The following PCM1 variants were observed in gnomAD, a reference collection of about 807,000 sequenced individuals.
The protein encoded by PCM1 is pericentriolar material 1 protein.
PCM1 carries 157 observed loss-of-function variants against 241.9 expected under a neutral mutation model. That is an observed-to-expected ratio of 0.65 (90% CI 0.57 to 0.74). The LOEUF is 0.74. Ranked by LOEUF, PCM1 falls within the 30% of genes least tolerant of loss-of-function variation. The pLI is 0.00. For synonymous variants in PCM1, 1,085 were observed against 784.9 expected, an observed-to-expected ratio of 1.38 and a Z score of -6.39; for missense variants, 3,478 against 2,360.1, an observed-to-expected ratio of 1.47 and a Z score of -9.81.
Position 18,014,679 on chromosome 8 carries a change from A to C in PCM1, c.5680A>C (p.Thr1894Pro), listed in dbSNP as rs778272534. The change falls in exon 36 of 39, where the codon ACT (threonine) becomes CCT (proline). Residue 1894 changes from threonine (T) to proline (P), a missense_variant. By Grantham distance (38) the Thr-to-Pro change is conservative (BLOSUM62 -1). Coordinates refer to ENST00000325083, the MANE Select transcript of PCM1 (RefSeq NM_006197.4). ...NSAAHKESPP[T>P]VDSTQQPNPL... is the part of the protein sequence containing the mutation. ...TGCTGCCCATAAGGAGTCACCTCCT[A>C]CTGTTGATTCAACTCAACAGCCTAA... is the stretch of plus-strand genomic sequence containing the variant. The C allele has an allele frequency of 2.5e-6, 4 of 1,613,624 alleles. No homozygotes were observed. In the African/African-American group the frequency reaches 4.0e-5, roughly 16 times the overall value.
intron 2 of PCM1, among the ~76,000 whole-genome samples, chr8:17,932,837 A>G (rs2059422455): frequency 6.6e-6 from 1 of 152,112 alleles, no homozygotes; most frequent in African/African-American, 2.4e-5. Flanking sequence ...GACTATTTTG[A>G]TAGTATGATA....
intron 3 of PCM1, among the ~76,000 whole-genome samples, chr8:17,936,752 T>C (rs536850407): frequency 6.6e-6 from 1 of 152,316 alleles, no homozygotes; most frequent in East Asian, 1.9e-4. Flanking sequence ...TCAGATCTCT[T>C]TTTGATACGT....
At chr8:17,988,274 A>G (rs1484725510) in intron 26 of PCM1, among the ~76,000 whole-genome samples, 1 of 151,888 alleles carries the variant, frequency 6.6e-6, no homozygotes, top group Non-Finnish European at 1.5e-5. Flanking sequence ...TCAGGGACAA[A>G]TGTTTGATTT....
At chr8:17,945,037 A>T (rs2063331794) in intron 6 of PCM1, among the ~76,000 whole-genome samples, 1 of 152,112 alleles carries the variant, frequency 6.6e-6, no homozygotes, top group South Asian at 2.1e-4. Flanking sequence ...TATTTGATCA[A>T]CCTAGAGAGA....
In PCM1 at chr8:17,950,650, A is replaced by T; in HGVS notation, c.997A>T (p.Ser333Cys). ...AETAGSLSGV[S>C]ITSELNEELN... Reference sequence around the variant, plus strand: ...AACTGCAGGTAGCTTATCTGGCGTCAGTATCACATCTGAACTAAATGAAGA... The same window carrying T: ...AACTGCAGGTAGCTTATCTGGCGTCTGTATCACATCTGAACTAAATGAAGA... The change falls in exon 8 of 39, where the codon AGT becomes TGT. Residue 333 changes from serine to cysteine, a missense_variant. By Grantham distance (112) the Ser-to-Cys change is moderately radical (BLOSUM62 -1). Coordinates refer to ENST00000325083, the MANE Select transcript of PCM1 (RefSeq NM_006197.4). 6.2e-7 allele frequency: 1 copy of T among 1,605,716 alleles called. No homozygotes were observed. The highest frequency in any genetic ancestry group is 8.5e-7 in the Non-Finnish European group (1 of 1,175,006).
Position 17,987,012 on chromosome 8 carries a change from T to G in PCM1, c.4410+925T>G, listed in dbSNP as rs201309655. ...CTGAGTTTTTCTGAATTTTTGCTCT[T>G]TAACTTCTACTCGTGTTTAAAATAA... On this transcript the variant is annotated intron_variant, in intron 26 of 38. Coordinates refer to ENST00000325083, the MANE Select transcript of PCM1 (RefSeq NM_006197.4). Among the ~76,000 whole-genome samples the G allele has an allele frequency of 2.0e-3, 300 of 151,950 alleles. 1 individual carries two copies. Among genetic ancestry groups the G allele is most frequent in the African/African-American group, 6.8e-3 (284 of 41,538 alleles).
chr8:17,954,510 A>G (rs2067308092), intron 9 of PCM1, among the ~76,000 whole-genome samples: 1 of 152,148 alleles, frequency 6.6e-6, no homozygotes, highest in African/African-American at 2.4e-5. Context: ...TTGTATGCAT[A>G]AAGTAGCACT....
At chr8:17,926,755 G>C (rs2057127740) in intron 2 of PCM1, 3 of 152,188 alleles carry the variant, frequency 2.0e-5, no homozygotes, top group African/African-American at 7.2e-5. Context: ...TAGGGAGAGA[G>C]AAACGATCAA....
At chr8:18,013,074 C>G (rs2092718010) in intron 34 of PCM1, among the ~76,000 whole-genome samples, 1 of 152,098 alleles carries the variant, frequency 6.6e-6, no homozygotes, top group Admixed American at 6.6e-5. Context: ...CAGCATATTC[C>G]TACAAACTTC....
intron 6 of PCM1, among the ~76,000 whole-genome samples, chr8:17,946,310 A>G (rs2063741236): frequency 6.6e-6 from 1 of 152,172 alleles, no homozygotes; most frequent in Non-Finnish European, 1.5e-5. Flanking sequence ...TTGATGACGA[A>G]TATAAAATTC....
intron 6 of PCM1, among the ~76,000 whole-genome samples, chr8:17,944,935 T>C (rs929403825): frequency 6.6e-6 from 1 of 152,154 alleles, no homozygotes; most frequent in African/African-American, 2.4e-5. Context: ...GTTTTGTGAC[T>C]AATAAGGATT....
chr8:17,957,383 C>T lies in PCM1; in HGVS notation c.1766C>T (p.Ala589Val). 1 of 1,612,610 alleles carries T rather than the reference C, an allele frequency of 6.2e-7. No homozygotes were observed. The highest frequency in any genetic ancestry group is 1.7e-5 in the Admixed American group (1 of 60,026). ...NSNCEINNRS[A>V]ANIRALNMPP... ...AATTGTGAAATTAACAACAGATCTG[C>T]TGCCAACATAAGGGCTCTAAACATG... is the stretch of plus-strand genomic sequence containing the variant. The change falls in exon 12 of 39, where the codon GCT (alanine) becomes GTT (valine). Residue 589 changes from alanine to valine, a missense_variant. Ala to Val is a moderately conservative substitution (Grantham distance 64, BLOSUM62 0). Transcript: ENST00000325083.
chr8:17,950,591 C>T (rs376518109), intron 7 of PCM1, 24 bp from the exon 8 acceptor site: 40 of 1,108,620 alleles, frequency 3.6e-5, no homozygotes, highest in Non-Finnish European at 5.3e-5. Flanking sequence ...TTACATTAAT[C>T]AGTAGTTACT....
Position 17,957,296 on chromosome 8 carries a change from T to G in PCM1, c.1679T>G (p.Val560Gly). ...CAAGTAGCTTCCACTTGGAATGAAG[T>G]AAATAGTCATAGTAATGCACAGTGT... ...NPQVASTWNE[V>G]NSHSNAQCVS... The change falls in exon 12 of 39, where the codon GTA (valine) becomes GGA (glycine). Residue 560 changes from valine to glycine, a missense_variant. Transcript: ENST00000325083. 6.2e-7 allele frequency: 1 copy of G among 1,605,234 alleles called. No individual in the cohort carries two copies. Among genetic ancestry groups the G allele is most frequent in the Non-Finnish European group, 8.5e-7 (1 of 1,174,504 alleles).
intron 21 of PCM1, among the ~76,000 whole-genome samples, chr8:17,968,564 T>C (rs1481731316): frequency 2.0e-5 from 3 of 151,858 alleles, no homozygotes; most frequent in Admixed American, 6.6e-5. Context: ...AGGTGAATCA[T>C]GAGGAGGAGT....
intron 24 of PCM1, among the ~76,000 whole-genome samples, chr8:17,983,508 T>C (rs1228781021): frequency 1.3e-5 from 2 of 152,222 alleles, no homozygotes; most frequent in East Asian, 3.8e-4. Context: ...TCTGTTAGTG[T>C]ATGTAACCTA....
At chr8:17,992,125 T>A (rs2084883585) in intron 28 of PCM1, among the ~76,000 whole-genome samples, 1 of 152,208 alleles carries the variant, frequency 6.6e-6, no homozygotes, top group Admixed American at 6.5e-5. Flanking sequence ...TATACCACAT[T>A]TTCTTTATCC....
rs1447772330 is a variant in PCM1 at position 17,937,322 on chromosome 8, A to C, written c.285A>C (p.Pro95=). ...GATACATGAGTCAGATGTCTGTCCC[A>C]GAGCAGGCAGAATTAGAGAAACTGA... ...HSRYMSQMSV[P]EQAELEKLKQ... The change falls in exon 4 of 39, where the codon CCA becomes CCC. Residue 95 remains proline (P), a synonymous_variant. Coordinates refer to ENST00000325083, the MANE Select transcript of PCM1 (RefSeq NM_006197.4). The C allele has an allele frequency of 3.7e-6, 6 of 1,608,702 alleles. No homozygotes were observed. Among genetic ancestry groups the C allele is most frequent in the Non-Finnish European group, 5.1e-6 (6 of 1,176,852 alleles).
rs1563699501 is a variant in PCM1 at position 17,938,743 on chromosome 8, A to G, written c.346A>G (p.Ser116Gly). Residue 116 changes from serine to glycine, a missense_variant, in exon 5 of 39, where the codon AGC (serine) becomes GGC (glycine). By Grantham distance (56) the Ser-to-Gly change is moderately conservative. Transcript: ENST00000325083. ...TTGATTTCTTTTTCATATATAGAGA[A>G]GCATTGGAAGTGATTCCCAAGGTAG... is the stretch of plus-strand genomic sequence containing the variant. ...RINFSDLDQR[S>G]IGSDSQGRAT... 6.2e-7 allele frequency: 1 copy of G among 1,607,194 alleles called. No homozygotes were observed. Among genetic ancestry groups the G allele is most frequent in the East Asian group, 2.2e-5 (1 of 44,834 alleles).
Sources: allele counts gnomAD v4.1 joint callset (sites outside exome capture counted in the v4.1 genomes callset), GRCh38; gene constraint gnomAD v4.1.1; transcripts MANE v1.5; gene names NCBI Gene and HGNC (gene_info 2026-07-23, HGNC 2026-07-21).